Variants in RCN3 observed in about 807,000 individuals in gnomAD.
The protein encoded by RCN3 is reticulocalbin-3.
RCN3 carries 41 observed loss-of-function variants against 35.9 expected under a neutral mutation model. That is an observed-to-expected ratio of 1.14 (90% CI 0.89 to 1.48). The LOEUF (loss-of-function observed/expected upper bound fraction) is 1.48. Ranked by LOEUF, RCN3 falls within the 40% of genes most tolerant of loss-of-function variation. The probability of loss-of-function intolerance (pLI) is 0.00; values close to 1 mark genes in which losing one functional copy is unlikely to be tolerated. For missense variants in RCN3, 451 were observed against 471.3 expected, an observed-to-expected ratio of 0.96 and a Z score of 0.40; for synonymous variants, 187 against 193.4, an observed-to-expected ratio of 0.97 and a Z score of 0.27.
At chr19:49,529,595 TGAA>T (rs1349275221) in intron 2 of RCN3, among the ~76,000 whole-genome samples, 1 of 152,184 alleles carries the variant, frequency 6.6e-6, no homozygotes, top group African/African-American at 2.4e-5. Context: ...TCTGTCCTCC[TGAA>T]GTTTACACTG....
Position 49,534,223 on chromosome 19 carries a change from G to A in RCN3, c.273G>A (p.Gly91=). Residue 91 remains glycine (G), a synonymous_variant, in exon 3 of 7, where the codon GGG becomes GGA. Coordinates refer to ENST00000270645, the MANE Select transcript of RCN3 (RefSeq NM_020650.3). ...TCGTGGACCGCATGGACCGCGCGGG[G>A]GACGGCGACGGCTGGGTGTCGCTGG... The part of the protein sequence containing the change: ...GRIVDRMDRA[G]DGDGWVSLAE... 2 of 1,483,428 alleles carry A rather than the reference G, an allele frequency of 1.3e-6. No homozygotes were observed. Among genetic ancestry groups the A allele is most frequent in the Non-Finnish European group, 1.8e-6 (2 of 1,121,718 alleles). The allele number at this position is 1,483,428 out of a possible 1,614,324, so 91.9% of individuals were successfully genotyped here.
chr19:49,534,913 G>A (rs1217046037), intron 3 of RCN3, among the ~76,000 whole-genome samples: 6 of 151,998 alleles, frequency 3.9e-5, no homozygotes, highest in Admixed American at 6.6e-5. Flanking sequence ...CTCAGCCCCT[G>A]ACTCTCAGAT....
In RCN3 at chr19:49,543,046, A is replaced by G; in HGVS notation, c.880-60A>G. On this transcript the variant is annotated intron_variant, in intron 6 of 6. Coordinates refer to ENST00000270645, the MANE Select transcript of RCN3 (RefSeq NM_020650.3). ...GAGACTTCGGGACACGCTTGGATGC[A>G]GGGAGGGCTTTTGAAAGCAGGGCCG... 6 of 1,376,350 alleles carry G rather than the reference A, an allele frequency of 4.4e-6. No individual in the cohort carries two copies. In the South Asian group the frequency reaches 4.7e-5, roughly 11 times the overall value. 85.3% of individuals were successfully genotyped at this position (1,376,350 alleles called of 1,614,324 possible).
chr19:49,539,283 G>A, intron 5 of RCN3, 104 bp downstream of exon 5: 1 of 881,112 alleles, frequency 1.1e-6, no homozygotes, highest in East Asian at 2.5e-5. Flanking sequence ...AGAGAACAGT[G>A]GCCCTCAGAC....
Position 49,534,365 on chromosome 19 carries a change from C to A in RCN3, c.415C>A (p.Arg139Ser). ...RDGRVGWEELRNATYGHYAPG... is the reference protein window; with the variant it reads ...RDGRVGWEELSNATYGHYAPG... ...CGGGCGTGTGGGTTGGGAGGAGCTGCGCAACGCCACCTATGGCCACTACGC... is the reference window on the plus strand; with the variant it reads ...CGGGCGTGTGGGTTGGGAGGAGCTGAGCAACGCCACCTATGGCCACTACGC... Residue 139 changes from arginine (R) to serine (S), a missense_variant, in exon 3 of 7, where the codon CGC becomes AGC. Physicochemically the swap from Arg to Ser is moderately radical, Grantham distance 110 (BLOSUM62 -1). Coordinates refer to ENST00000270645, the MANE Select transcript of RCN3 (RefSeq NM_020650.3). 6.5e-7 allele frequency: 1 copy of A among 1,537,142 alleles called. No homozygotes were observed. Among genetic ancestry groups the A allele is most frequent in the Admixed American group, 2.0e-5 (1 of 49,864 alleles).
At chr19:49,536,288 C>CTTT (rs968434638) in intron 3 of RCN3, among the ~76,000 whole-genome samples, 750 of 70,790 alleles carry the variant, frequency 0.011, 22 homozygotes, top group African/African-American at 0.015. Context: ...ACCCGGCCTA[C>CTTT]TTTTTTTTTT....
chr19:49,538,587 C>T (rs1006526170), intron 4 of RCN3, among the ~76,000 whole-genome samples: 16 of 152,100 alleles, frequency 1.1e-4, no homozygotes, highest in Non-Finnish European at 1.5e-4. Context: ...GCTGGGATTA[C>T]AGGTGTGAGC....
At chr19:49,528,240 C>A in intron 1 of RCN3, 182 bp downstream of exon 1, 1 of 459,432 alleles carries the variant, frequency 2.2e-6, no homozygotes, top group Non-Finnish European at 3.8e-6. Context: ...AGGTCTGGGA[C>A]CCCCCTGAGA....
intron 2 of RCN3, among the ~76,000 whole-genome samples, chr19:49,532,460 A>T (rs1435285478): frequency 1.8e-5 from 2 of 113,716 alleles, no homozygotes; most frequent in East Asian, 5.5e-4. Context: ...ACTGCAACCT[A>T]CGCCTCCTGG....
chr19:49,528,521 G>C lies in RCN3; in HGVS notation c.49G>C (p.Gly17Arg). The C allele has an allele frequency of 1.3e-6, 2 of 1,549,008 alleles. No individual in the cohort carries two copies. Among genetic ancestry groups the C allele is most frequent in the Non-Finnish European group, 1.7e-6 (2 of 1,149,058 alleles). ...VLLLLLLLRH[G>R]AQGKPSPDAG... ...GCTGCTTCTGTTGCTACTGAGGCAC[G>C]GGGCCCAGGGGAAGCCATCCCCAGA... is the stretch of plus-strand genomic sequence containing the variant. Residue 17 changes from glycine (G) to arginine (R), a missense_variant, in exon 2 of 7, where the codon GGG (glycine) becomes CGG (arginine). Gly to Arg is a moderately radical substitution (Grantham distance 125). Transcript: ENST00000270645.
At chr19:49,529,096 G>T (rs1280603573) in intron 2 of RCN3, among the ~76,000 whole-genome samples, 1 of 152,230 alleles carries the variant, frequency 6.6e-6, no homozygotes, top group East Asian at 1.9e-4. Context: ...CAGGAGAATC[G>T]CTTGAACCTG....
chr19:49,533,330 G>T (rs1268350992), intron 2 of RCN3, among the ~76,000 whole-genome samples: 1 of 152,206 alleles, frequency 6.6e-6, no homozygotes, highest in Non-Finnish European at 1.5e-5. Flanking sequence ...CGACTTTAGG[G>T]AGGGGGCCGC....
Position 49,528,596 on chromosome 19 carries a change from G to C in RCN3, c.124G>C (p.Asp42His). Residue 42 changes from aspartate to histidine, a missense_variant, in exon 2 of 7, where the codon GAC becomes CAC. Asp to His is a moderately conservative substitution (Grantham distance 81). Transcript: ENST00000270645. ...GGTGCACCAGGCGGCCCCCCTGAGC[G>C]ACGCTCCCCATGATGACGCCCACGG... is the stretch of plus-strand genomic sequence containing the variant. ...GRVHQAAPLSDAPHDDAHGNF... is the reference protein window; with the variant it reads ...GRVHQAAPLSHAPHDDAHGNF... The C allele has an allele frequency of 6.2e-7, 1 of 1,610,848 alleles. No homozygotes were observed. The highest frequency in any genetic ancestry group is 8.5e-7 in the Non-Finnish European group (1 of 1,178,648).
At chr19:49,535,080 C>A (rs2080128041) in intron 3 of RCN3, among the ~76,000 whole-genome samples, 1 of 152,118 alleles carries the variant, frequency 6.6e-6, no homozygotes, top group Non-Finnish European at 1.5e-5. Context: ...TCATGCCCAG[C>A]ACTGACTCTG....
Position 49,543,406 on chromosome 19 carries a change from G to A in RCN3, c.*193G>A, listed in dbSNP as rs1601222478. The A allele has an allele frequency of 1.6e-6, 1 of 607,070 alleles. No homozygotes were observed. The highest frequency in any genetic ancestry group is 2.9e-6 in the Non-Finnish European group (1 of 339,034). The allele number at this position is 607,070 out of a possible 1,614,324, so 37.6% of individuals were successfully genotyped here. A position where few individuals can be genotyped will look rare whatever the true frequency, so the allele number is the denominator to read the frequency against. ...ACACCCCCAACCCCAGGGAGGGGCTGTCATAGTCCCAGAGGATAAGCAATA... is the reference window on the plus strand; with the variant it reads ...ACACCCCCAACCCCAGGGAGGGGCTATCATAGTCCCAGAGGATAAGCAATA... On this transcript the variant is annotated 3_prime_UTR_variant, in exon 7 of 7. Transcript: ENST00000270645.
At chr19:49,542,196 C>G (rs1445284204) in intron 5 of RCN3, among the ~76,000 whole-genome samples, 2 of 152,132 alleles carry the variant, frequency 1.3e-5, no homozygotes, top group Non-Finnish European at 2.9e-5. Context: ...CCTGGCATCT[C>G]TGTCACCTGC....
In RCN3 at chr19:49,539,100, A is replaced by G. The variant is rs766073828; in HGVS notation, c.619-19A>G. The G allele has an allele frequency of 1.1e-5, 17 of 1,581,344 alleles. No individual in the cohort carries two copies. The East Asian group carries it at 2.1e-4, about 19-fold the overall frequency. ...CCAGGGTCATCGGCCCCCAGCCTCA[A>G]TGCCCCTTTCTCCTCCAGGAAACCC... On this transcript the variant is annotated intron_variant, in intron 4 of 6. Transcript: ENST00000270645.
In RCN3 at chr19:49,534,198, T is replaced by TCGTGGACCG. The variant is rs760205968; in HGVS notation, c.250_258dup (p.Val84_Arg86dup). 2.7e-5 allele frequency: 40 copies of TCGTGGACCG among 1,492,510 alleles called. No individual in the cohort carries two copies. Among genetic ancestry groups the TCGTGGACCG allele is most frequent in the South Asian group, 2.6e-4 (20 of 78,272 alleles). 92.5% of individuals were successfully genotyped at this position (1,492,510 alleles called of 1,614,324 possible). ...GTGCCCGCCCCGGCTTCTAGGCGGA[T>TCGTGGACCG]CGTGGACCGCATGGACCGCGCGGGG... On this transcript the variant is annotated inframe_insertion, in exon 3 of 7. Coordinates refer to ENST00000270645, the MANE Select transcript of RCN3 (RefSeq NM_020650.3).
chr19:49,528,125 C>A, intron 1 of RCN3, 67 bp downstream of exon 1: 1 of 260,744 alleles, frequency 3.8e-6, no homozygotes, highest in Non-Finnish European at 7.2e-6. Flanking sequence ...AGGGTCCGGA[C>A]TGGGAGCAAT....
Sources: gnomAD v4.1 joint callset for allele counts (sites outside exome capture counted in the v4.1 genomes callset) on GRCh38, gnomAD v4.1.1 for gene constraint, MANE v1.5 for transcripts, NCBI Gene and HGNC (gene_info 2026-07-23, HGNC 2026-07-21) for gene names.